Variants in BDH1 observed in about 807,000 individuals in gnomAD.
BDH1 encodes 3-hydroxybutyrate dehydrogenase 1.
A neutral mutation model predicts 33.1 loss-of-function variants in BDH1; 30 were observed. That is an observed-to-expected ratio of 0.91 (90% CI 0.68 to 1.23). The LOEUF is 1.23. Among genes scored for constraint, BDH1 ranks in the 50% most tolerant of loss-of-function variants. BDH1 has a pLI of 0.00. For synonymous variants in BDH1, 190 were observed against 183.6 expected (o/e 1.03, Z -0.28); for missense variants, 443 against 464.4 (o/e 0.95, Z 0.42).
chr3:197,552,928 G>C (rs1181850126), intron 2 of BDH1, among the ~76,000 whole-genome samples: 2 of 152,110 alleles, frequency 1.3e-5, no homozygotes, highest in Admixed American at 6.6e-5. Flanking sequence ...TTGATTGATT[G>C]ATTCATTGAG....
At chr3:197,539,101 G>A (rs1715383853) in intron 3 of BDH1, 1 of 152,216 alleles carries the variant, frequency 6.6e-6, no homozygotes, top group African/African-American at 2.4e-5. Flanking sequence ...AGCTTTGGGA[G>A]GAACTTAGTT....
intron 5 of BDH1, among the ~76,000 whole-genome samples, chr3:197,524,507 C>A (rs956026750): frequency 2.6e-5 from 4 of 152,186 alleles, no homozygotes; most frequent in African/African-American, 9.7e-5. Context: ...GAAGGGACTG[C>A]CCAATGGGGC....
chr3:197,513,552 G>A (rs1475954198), intron 7 of BDH1, among the ~76,000 whole-genome samples: 1 of 152,018 alleles, frequency 6.6e-6, no homozygotes, highest in South Asian at 2.1e-4. Context: ...GTGTGTCCCC[G>A]GGAGGGAACT....
rs111282552 is a variant in BDH1 at position 197,563,526 on chromosome 3, T to C, written c.-44+9655A>G. 5.3e-3 allele frequency among the ~76,000 whole-genome samples: 800 copies of C among 152,320 alleles called. 5 individuals are homozygous for C. The highest frequency in any genetic ancestry group is 0.017 in the African/African-American group (703 of 41,564). On this transcript the variant is annotated intron_variant, in intron 1 of 6. Coordinates refer to the BDH1 transcript ENST00000358186. ...ATGATGGTTCCATAACTTTAAATGA[T>C]GACTATCACAGTTTTCATAAATCAT...
chr3:197,515,750 A>G (rs1712640684), intron 6 of BDH1: 1 of 984,742 alleles, frequency 1.0e-6, no homozygotes, highest in Non-Finnish European at 1.2e-6. Context: ...CCTGTAATAC[A>G]AAGATTAGCC....
In BDH1 at chr3:197,510,697, G is replaced by GTGTGTGTGTGTGTGTACA. The variant is rs1711921202; in HGVS notation, c.*1197_*1198insTGTACACACACACACACA. ...ACATGTGTGTAAGGTGTGTGTGTGT[G>GTGTGTGTGTGTGTGTACA]TGTGTGTGTGTGTGTGTGTGTACAT... On this transcript the variant is annotated 3_prime_UTR_variant, in exon 8 of 8. Coordinates refer to ENST00000392379, the MANE Select transcript of BDH1 (RefSeq NM_203314.3). The GTGTGTGTGTGTGTGTACA allele has an allele frequency of 9.8e-6, 1 of 101,672 alleles. No individual in the cohort carries two copies. Among genetic ancestry groups the GTGTGTGTGTGTGTGTACA allele is most frequent in the Non-Finnish European group, 2.1e-5 (1 of 48,770 alleles). The allele number at this position is 101,672 out of a possible 1,614,324, so 6.3% of individuals were successfully genotyped here.
rs1190924462 is a variant in BDH1 at position 197,512,115 on chromosome 3, T to C, written c.812A>G (p.Asp271Gly). The change falls in exon 8 of 8, where the codon GAC becomes GGC. Residue 271 changes from aspartate (D) to glycine (G), a missense_variant. Coordinates refer to ENST00000392379, the MANE Select transcript of BDH1 (RefSeq NM_203314.3). ...TTCATCAAAGTACTTCTTGCCGTAG[T>C]CCTTGCGCACGACCTCAGGCAGCTC... ...WEELPEVVRKDYGKKYFDEKI... is the reference protein window; with the variant it reads ...WEELPEVVRKGYGKKYFDEKI... 6.2e-7 allele frequency: 1 copy of C among 1,614,112 alleles called. No individual in the cohort carries two copies. Among genetic ancestry groups the C allele is most frequent in the Non-Finnish European group, 8.5e-7 (1 of 1,180,048 alleles).
intron 2 of BDH1, among the ~76,000 whole-genome samples, chr3:197,549,669 A>C (rs190753273): frequency 1.4e-3 from 208 of 152,364 alleles, no homozygotes; most frequent in Non-Finnish European, 2.6e-3. Context: ...GCAGGGAAAC[A>C]GCCAATGCAG....
intron 1 of BDH1, among the ~76,000 whole-genome samples, chr3:197,567,349 G>C (rs1560349159): frequency 1.3e-5 from 2 of 152,134 alleles, no homozygotes; most frequent in South Asian, 4.1e-4. Context: ...CCTGCCTCCC[G>C]TTCTGTTCAA....
rs11553757 is a variant in BDH1, at chr3:197,546,444, G to T, written c.-1C>A. 1.2e-6 allele frequency: 2 copies of T among 1,614,014 alleles called. No homozygotes were observed. The highest frequency in any genetic ancestry group is 1.7e-6 in the Non-Finnish European group (2 of 1,179,938). On this transcript the variant is annotated 5_prime_UTR_variant, in exon 3 of 8. Coordinates refer to ENST00000392379, the MANE Select transcript of BDH1 (RefSeq NM_203314.3). The stretch of plus-strand genomic sequence containing the variant: ...GTCTGGAGAGGCGGGTGGCCAGCAT[G>T]GTAGCAACGGGTGTTAGAATGGCCC...
Position 197,529,215 on chromosome 3 carries a change from A to T in BDH1, c.267+3197T>A, listed in dbSNP as rs543288076. The T allele has an allele frequency of 3.9e-5, 6 of 152,320 alleles. No homozygotes were observed. In the East Asian group the frequency reaches 1.2e-3, roughly 29 times the overall value. 9.4% of individuals were successfully genotyped at this position (152,320 alleles called of 1,614,324 possible). A position where few individuals can be genotyped will look rare whatever the true frequency, so the allele number is the denominator to read the frequency against. The stretch of plus-strand genomic sequence containing the variant: ...GCACACCTTTGCAACTTGCACTTTC[A>T]CATCTACGAAATGTTCCTAAGAATC... On this transcript the variant is annotated intron_variant, in intron 5 of 7. Transcript: ENST00000392379.
In BDH1 at chr3:197,521,560, C is replaced by T. The variant is rs1049444529; in HGVS notation, c.409+1080G>A. Reference sequence around the variant, plus strand: ...CCAGGGGTCCCTCTGTGCATCTCCCCGACTCCCAGTGTCACCTGCCGTGGG... The same window carrying T: ...CCAGGGGTCCCTCTGTGCATCTCCCTGACTCCCAGTGTCACCTGCCGTGGG... On this transcript the variant is annotated intron_variant, in intron 6 of 7. Coordinates refer to ENST00000392379, the MANE Select transcript of BDH1 (RefSeq NM_203314.3). The surrounding 1 kb of genome is among the most constrained non-coding windows in gnomAD (Gnocchi z 4.9). Among the ~76,000 whole-genome samples the T allele has an allele frequency of 1.3e-5, 2 of 152,080 alleles. No individual in the cohort carries two copies. Among genetic ancestry groups the T allele is most frequent in the Non-Finnish European group, 2.9e-5 (2 of 67,992 alleles).
At chr3:197,519,900 C>G (rs1713341604) in intron 6 of BDH1, among the ~76,000 whole-genome samples, 1 of 152,154 alleles carries the variant, frequency 6.6e-6, no homozygotes, top group African/African-American at 2.4e-5. Context: ...CATCTCGCCC[C>G]CGTGGCTGGC....
chr3:197,540,361 CAT>C (rs1477923335), intron 3 of BDH1, among the ~76,000 whole-genome samples: 2 of 148,726 alleles, frequency 1.3e-5, no homozygotes, highest in African/African-American at 4.9e-5. Flanking sequence ...GCCTACCTGA[CAT>C]TTTTAAAAGT....
intron 3 of BDH1, among the ~76,000 whole-genome samples, chr3:197,542,217 C>G (rs886481749): frequency 3.9e-5 from 6 of 152,214 alleles, no homozygotes; most frequent in Admixed American, 1.3e-4. Flanking sequence ...AAACAAGGAG[C>G]CTGGGCTCCC....
Position 197,542,388 on chromosome 3 carries a change from G to A in BDH1, c.83+3973C>T, listed in dbSNP as rs1715708561. On this transcript the variant is annotated intron_variant, in intron 3 of 7. Transcript: ENST00000392379. ...TGTATTTCCCTGGAGGGTCTCCTCT[G>A]CCCAGGAGGGTCCTGCAGTAACAGC... is the stretch of plus-strand genomic sequence containing the variant. 1.3e-5 allele frequency among the ~76,000 whole-genome samples: 2 copies of A among 152,102 alleles called. 1 individual carries two copies. Among genetic ancestry groups the A allele is most frequent in the Admixed American group, 1.3e-4 (2 of 15,276 alleles).
Position 197,532,455 on chromosome 3 carries a change from A to G in BDH1, c.224T>C (p.Leu75Pro). 3 of 1,614,246 alleles carry G rather than the reference A, an allele frequency of 1.9e-6. No homozygotes were observed. In the South Asian group the frequency reaches 3.3e-5, roughly 18 times the overall value. ...SGFGFSLAKH[L>P]HSKGFLVFAG... ...AAACACAAGGAAGCCTTTTGAATGC[A>G]GATGCTTGGCCAATGAGAACCCAAA... The change falls in exon 5 of 8, where the codon CTG (leucine) becomes CCG (proline). Residue 75 changes from leucine (L) to proline (P), a missense_variant. Physicochemically the swap from Leu to Pro is moderately conservative, Grantham distance 98. Transcript: ENST00000392379.
rs146114003 is a variant in BDH1 at position 197,568,520 on chromosome 3, G to C, written c.-44+4661C>G. 1.3e-3 allele frequency among the ~76,000 whole-genome samples: 202 copies of C among 152,190 alleles called. 1 individual carries two copies. Among genetic ancestry groups the C allele is most frequent in the African/African-American group, 4.5e-3 (186 of 41,524 alleles). On this transcript the variant is annotated intron_variant, in intron 1 of 6. Coordinates refer to the BDH1 transcript ENST00000358186. ...CTGTGGATGAATGAGAACTGGAGGAGCTGCCTTTTCCTTGCAGTGAATGAG... is the reference window on the plus strand; with the variant it reads ...CTGTGGATGAATGAGAACTGGAGGACCTGCCTTTTCCTTGCAGTGAATGAG...
rs115586597 is a variant in BDH1 at position 197,525,864 on chromosome 3, C to G, written c.268-3083G>C. 0.039 allele frequency among the ~76,000 whole-genome samples: 5,846 copies of G among 151,234 alleles called. 138 individuals are homozygous for G. The highest frequency in any genetic ancestry group is 0.063 in the South Asian group (305 of 4,814). ...GTTTCTGTGCTCCCTCTGCAGGTCT[C>G]CGTGCTCCCTCTGCAGGTCTGTGTG... On this transcript the variant is annotated intron_variant, in intron 5 of 7. Transcript: ENST00000392379. The surrounding 1 kb of genome is among the most constrained non-coding windows in gnomAD (Gnocchi z 4.9).
Sources: gnomAD v4.1 joint callset for allele counts (sites outside exome capture counted in the v4.1 genomes callset) on GRCh38, gnomAD v4.1.1 for gene constraint, Gnocchi (gnomAD v3.1) non-coding constraint, MANE v1.5 for transcripts, NCBI Gene and HGNC (gene_info 2026-07-23, HGNC 2026-07-21) for gene names.